GRID2: variants seen among roughly 807,000 people sequenced by gnomAD.
GRID2 encodes the protein glutamate ionotropic receptor delta type subunit 2, also known as glutamate receptor ionotropic, delta-2.
GRID2 carries 33 observed loss-of-function variants against 114.8 expected under a neutral mutation model. The observed-to-expected ratio is 0.29, with a 90% CI of 0.22 to 0.38. The LOEUF is 0.38. GRID2 is among the 10% of genes least tolerant of loss of function. The pLI is 1.00. For synonymous variants in GRID2, 505 were observed against 449.9 expected (o/e 1.12, Z -1.55); for missense variants, 1,184 against 1,257.7 (o/e 0.94, Z 0.89).
chr4:92,676,058 A>G (rs1733341665), intron 2 of GRID2, among the ~76,000 whole-genome samples: 1 of 151,436 alleles, frequency 6.6e-6, no homozygotes, highest in Admixed American at 6.6e-5. Context: ...TCGATACTCA[A>G]TATTTTGTCA....
intron 1 of GRID2, among the ~76,000 whole-genome samples, chr4:92,457,574 G>A (rs1283465493): frequency 6.6e-6 from 1 of 152,022 alleles, no homozygotes; most frequent in African/African-American, 2.4e-5. Context: ...CCTGAGGAAG[G>A]GTATAATTTA....
At chr4:92,927,526 G>T (rs1749902192) in intron 2 of GRID2, among the ~76,000 whole-genome samples, 1 of 151,776 alleles carries the variant, frequency 6.6e-6, no homozygotes, top group Admixed American at 6.6e-5. Flanking sequence ...AGAGAAACCT[G>T]ATCCTAGGTA....
At chr4:93,090,396 T>C (rs1385302042) in intron 3 of GRID2, among the ~76,000 whole-genome samples, 1 of 152,200 alleles carries the variant, frequency 6.6e-6, no homozygotes, top group Non-Finnish European at 1.5e-5. Context: ...GATTTATTTG[T>C]GGTTACAAAG....
At position 93,023,173 on chromosome 4, in the gene GRID2, G is replaced by T. The variant is rs147603251; in HGVS notation, c.245-61822G>T. Among the ~76,000 whole-genome samples the T allele has an allele frequency of 4.1e-3, 604 of 149,040 alleles. 6 individuals carry two copies. Among genetic ancestry groups the T allele is most frequent in the Middle Eastern group, 0.014 (4 of 290 alleles). On this transcript the variant is annotated intron_variant, in intron 2 of 15. Transcript: ENST00000282020. ...TGTCTGTATTGGGCATGTATCTTTG[G>T]ATAATAACTATTAGTTAATGGTAGA... is the stretch of plus-strand genomic sequence containing the variant.
chr4:92,402,422 T>G (rs966410637), intron 1 of GRID2, among the ~76,000 whole-genome samples: 2 of 152,154 alleles, frequency 1.3e-5, no homozygotes, highest in Non-Finnish European at 2.9e-5. Context: ...CCTTATGAAA[T>G]GTATTTTTGA....
chr4:93,015,552 T>A (rs1390961163), intron 2 of GRID2, among the ~76,000 whole-genome samples: 1 of 152,198 alleles, frequency 6.6e-6, no homozygotes, highest in Admixed American at 6.6e-5. Flanking sequence ...AGATAAGTGC[T>A]CAACACATAG....
At chr4:93,272,326 G>A (rs921648040) in intron 8 of GRID2, among the ~76,000 whole-genome samples, 4 of 152,050 alleles carry the variant, frequency 2.6e-5, no homozygotes, top group Admixed American at 1.3e-4. Context: ...TATAAATATG[G>A]CATGTTAAGA....
intron 1 of GRID2, among the ~76,000 whole-genome samples, chr4:92,490,589 C>T (rs1429893687): frequency 6.6e-6 from 1 of 152,112 alleles, no homozygotes; most frequent in Non-Finnish European, 1.5e-5. Context: ...GACACTATAA[C>T]TCTATCATAT....
chr4:93,398,123 A>ATG lies in GRID2; in HGVS notation c.1347+2425_1347+2426dup, dbSNP rs151125359. Among the ~76,000 whole-genome samples the ATG allele has an allele frequency of 2.4e-4, 32 of 131,600 alleles. 1 individual carries two copies. The highest frequency in any genetic ancestry group is 8.0e-4 in the African/African-American group (25 of 31,156). The allele number at this position is 131,600 out of a possible 152,430, so 86.3% of individuals were successfully genotyped here. A position where few individuals can be genotyped will look rare whatever the true frequency, so the allele number is the denominator to read the frequency against. Reference sequence around the variant, plus strand: ...TCCAGAAGTTGAAATACATACATGTATGTGTGTGTGTATATATATATATAT... The same window carrying ATG: ...TCCAGAAGTTGAAATACATACATGTATGTGTGTGTGTGTATATATATATATAT... On this transcript the variant is annotated intron_variant, in intron 9 of 15. Transcript: ENST00000282020.
In GRID2 at chr4:92,551,706, A is replaced by G. The variant is rs565593684; in HGVS notation, c.89-38425A>G. 3.3e-5 allele frequency among the ~76,000 whole-genome samples: 5 copies of G among 152,306 alleles called. No homozygotes were observed. The South Asian group carries it at 1.0e-3, about 32-fold the overall frequency. On this transcript the variant is annotated intron_variant, in intron 1 of 15. Transcript: ENST00000282020. ...ATGTATAAATCATAAACAATAGTAC[A>G]AACACAAATAATACCATCGTTAATA...
intron 1 of GRID2, among the ~76,000 whole-genome samples, chr4:92,417,907 G>C (rs1022874964): frequency 6.6e-6 from 1 of 152,062 alleles, no homozygotes; most frequent in African/African-American, 2.4e-5. Flanking sequence ...CCCTGTGCAG[G>C]CTCTGTTGCC....
At chr4:92,705,624 C>G (rs1734917040) in intron 2 of GRID2, among the ~76,000 whole-genome samples, 1 of 152,176 alleles carries the variant, frequency 6.6e-6, no homozygotes, top group South Asian at 2.1e-4. Context: ...ATTGTCCTAC[C>G]TACACTCTGG....
intron 8 of GRID2, among the ~76,000 whole-genome samples, chr4:93,296,463 G>A (rs998905388): frequency 1.3e-5 from 2 of 152,100 alleles, no homozygotes; most frequent in African/African-American, 4.8e-5. Flanking sequence ...TAACTGAAGT[G>A]GATCCAGGAA....
chr4:93,415,443 A>G (rs1191716062), intron 9 of GRID2, among the ~76,000 whole-genome samples: 1 of 152,092 alleles, frequency 6.6e-6, no homozygotes, highest in Admixed American at 6.6e-5. Flanking sequence ...CTCATACTCA[A>G]AACGCAGTCT....
intron 2 of GRID2, among the ~76,000 whole-genome samples, chr4:93,079,582 A>G (rs1377129336): frequency 6.6e-6 from 1 of 152,018 alleles, no homozygotes; most frequent in Non-Finnish European, 1.5e-5. Flanking sequence ...GCCATTTACT[A>G]GTGTTACAGA....
intron 2 of GRID2, among the ~76,000 whole-genome samples, chr4:92,891,060 C>T (rs961288561): frequency 3.3e-5 from 5 of 151,740 alleles, no homozygotes; most frequent in African/African-American, 4.8e-5. Context: ...GGAAGTTGAA[C>T]GATAAGAACA....
chr4:92,479,685 A>G lies in GRID2; in HGVS notation c.89-110446A>G, dbSNP rs867969468. 5.9e-5 allele frequency among the ~76,000 whole-genome samples: 9 copies of G among 152,280 alleles called. 1 individual carries two copies. The Middle Eastern group carries it at 0.02, about 345-fold the overall frequency. On this transcript the variant is annotated intron_variant, in intron 1 of 15. Transcript: ENST00000282020. Reference sequence around the variant, plus strand: ...TGAGGAGTATTCTTCAGACCTTTCAATTTTATTTGGTGAATCAGGAAATAG... The same window carrying G: ...TGAGGAGTATTCTTCAGACCTTTCAGTTTTATTTGGTGAATCAGGAAATAG...
At chr4:93,720,561 A>T (rs1251597167) in intron 14 of GRID2, among the ~76,000 whole-genome samples, 2 of 152,206 alleles carry the variant, frequency 1.3e-5, no homozygotes, top group Non-Finnish European at 2.9e-5. Context: ...CTGTACTGAG[A>T]ATTTTGCACA....
At chr4:93,434,177 C>A (rs1054729309) in intron 10 of GRID2, among the ~76,000 whole-genome samples, 2 of 152,106 alleles carry the variant, frequency 1.3e-5, no homozygotes, top group Non-Finnish European at 1.5e-5. Flanking sequence ...TTTGTTGACT[C>A]GGATAGATTG....
Sources: gnomAD v4.1 joint callset for allele counts (sites outside exome capture counted in the v4.1 genomes callset) on GRCh38, gnomAD v4.1.1 for gene constraint, MANE v1.5 for transcripts, NCBI Gene and HGNC (gene_info 2026-07-23, HGNC 2026-07-21) for gene names.